Variants in FADS2 observed in about 807,000 individuals in gnomAD.
The protein encoded by FADS2 is fatty acid desaturase 2.
A neutral mutation model predicts 61.2 loss-of-function variants in FADS2; 18 were observed. The observed-to-expected ratio is 0.29, with a 90% CI of 0.20 to 0.44. FADS2 has a LOEUF of 0.44. Ranked by LOEUF, FADS2 falls within the 20% of genes least tolerant of loss-of-function variation. The probability of loss-of-function intolerance (pLI) is 1.00; values close to 1 mark genes in which losing one functional copy is unlikely to be tolerated. For synonymous variants in FADS2, 203 were observed against 223.9 expected (o/e 0.91, Z 0.83); for missense variants, 322 against 572.7 (o/e 0.56, Z 4.47).
upstream of FADS2, chr11:61,827,843 C>T (rs1404361790): frequency 1.7e-5 from 3 of 173,394 alleles, no homozygotes; most frequent in Non-Finnish European, 3.5e-5. The surrounding 1 kb of genome is among the most constrained non-coding windows in gnomAD (Gnocchi z 4.5). Context: ...AGGTCGGACA[C>T]GTAGCCTGCC....
At chr11:61,839,621 T>G (rs1365991471) in intron 2 of FADS2, among the ~76,000 whole-genome samples, 1 of 152,194 alleles carries the variant, frequency 6.6e-6, no homozygotes, top group Admixed American at 6.5e-5. Flanking sequence ...TAAAAAAGTG[T>G]GGTCAACCAT....
At chr11:61,850,496 A>G (rs1179007879) in intron 5 of FADS2, among the ~76,000 whole-genome samples, 2 of 151,836 alleles carry the variant, frequency 1.3e-5, no homozygotes, top group Non-Finnish European at 2.9e-5. Flanking sequence ...TGATCCGCCC[A>G]CCTCGCCCTC....
At chr11:61,844,996 C>T (rs75321677) in intron 4 of FADS2, among the ~76,000 whole-genome samples, 8,702 of 135,040 alleles carry the variant, frequency 0.064, 357 homozygotes, top group African/African-American at 0.11. Context: ...AAAATGTTAT[C>T]GATGAGTTTG....
rs910947446 is a variant in FADS2, at chr11:61,828,863, C to A, written c.207+266C>A. 6.6e-6 allele frequency among the ~76,000 whole-genome samples: 1 copy of A among 152,208 alleles called. No individual in the cohort carries two copies. Among genetic ancestry groups the A allele is most frequent in the African/African-American group, 2.4e-5 (1 of 41,462 alleles). Reference sequence around the variant, plus strand: ...TGGAGAACAGGGCAAGCATCTACCGCGCGCGCCGGGACCCACGCGTCCTCC... The same window carrying A: ...TGGAGAACAGGGCAAGCATCTACCGAGCGCGCCGGGACCCACGCGTCCTCC... On this transcript the variant is annotated intron_variant, in intron 1 of 11. Transcript: ENST00000278840. The surrounding 1 kb of genome is among the most constrained non-coding windows in gnomAD (Gnocchi z 6.4).
chr11:61,843,932 A>G (rs1055174972), intron 4 of FADS2, among the ~76,000 whole-genome samples: 10 of 152,118 alleles, frequency 6.6e-5, no homozygotes, highest in Non-Finnish European at 1.5e-4. Flanking sequence ...AAGTGCTGAG[A>G]TTACAGGCAT....
At chr11:61,841,998 T>G (rs567438031) in intron 4 of FADS2, among the ~76,000 whole-genome samples, 1 of 152,240 alleles carries the variant, frequency 6.6e-6, no homozygotes, top group Non-Finnish European at 1.5e-5. Flanking sequence ...TCCTCAGTTT[T>G]GAAAATGAGT....
rs756486957 is a variant in FADS2 at position 61,816,393 on chromosome 11, C to T, written c.108C>T (p.Pro36=). ...AGGCCTCTCTCCCGCCTTTTCATCC[C>T]GCATCCGCAGGACACCCAATCACCG... Residue 36 remains proline, a synonymous_variant, in exon 1 of 12, where the codon CCC becomes CCT. Transcript: ENST00000257261. The surrounding 1 kb of genome is among the most constrained non-coding windows in gnomAD (Gnocchi z 7.0). 6.3e-7 allele frequency: 1 copy of T among 1,598,542 alleles called. No homozygotes were observed. Among genetic ancestry groups the T allele is most frequent in the South Asian group, 1.1e-5 (1 of 91,082 alleles).
At chr11:61,848,024 T>G (rs1402955699) in intron 4 of FADS2, 135 bp from the exon 5 acceptor site, 1 of 993,944 alleles carries the variant, frequency 1.0e-6, no homozygotes, top group Non-Finnish European at 1.5e-6. Context: ...GGCTGGATTC[T>G]GGCCTTGTGG....
intron 7 of FADS2, among the ~76,000 whole-genome samples, chr11:61,859,498 A>AT (rs1488288727): frequency 6.6e-6 from 1 of 152,238 alleles, no homozygotes; most frequent in African/African-American, 2.4e-5. Context: ...TGTCCCAGCC[A>AT]TTGCAAATCC....
chr11:61,840,182 G>C (rs1370380176), intron 2 of FADS2, 152 bp from the exon 3 acceptor site: 1 of 660,426 alleles, frequency 1.5e-6, no homozygotes, highest in African/African-American at 1.8e-5. Flanking sequence ...AGCTATTGTA[G>C]GGACTCCTGG....
intron 7 of FADS2, among the ~76,000 whole-genome samples, chr11:61,859,460 A>G (rs755170227): frequency 2.0e-5 from 3 of 152,238 alleles, no homozygotes; most frequent in East Asian, 3.8e-4. Context: ...TCTTGGACCC[A>G]TATATCCAAT....
chr11:61,866,264 G>A lies in FADS2; in HGVS notation c.*575G>A, dbSNP rs17764288. ...CCTCCTGCAGCTCGGTTAAGTACCC[G>A]AGGCCTCTCTTAAGATGTCCAGGGC... On this transcript the variant is annotated 3_prime_UTR_variant, in exon 12 of 12. Coordinates refer to ENST00000278840, the MANE Select transcript of FADS2 (RefSeq NM_004265.4). 7.6e-3 allele frequency: 2,647 copies of A among 349,538 alleles called. 14 individuals carry two copies. The highest frequency in any genetic ancestry group is 9.9e-3 in the Non-Finnish European group (1,929 of 195,440). 21.7% of individuals were successfully genotyped at this position (349,538 alleles called of 1,614,324 possible).
intron 5 of FADS2, chr11:61,855,610 T>G (rs1320112960): frequency 6.6e-6 from 1 of 152,262 alleles, no homozygotes; most frequent in Non-Finnish European, 1.5e-5. Context: ...AGGGACTGTT[T>G]CTGGGGGTTC....
In FADS2 at chr11:61,857,458, G is replaced by A. The variant is rs1591179309; in HGVS notation, c.810G>A (p.Gly270=). The change falls in exon 7 of 12, where the codon GGG becomes GGA. Residue 270 remains glycine, a synonymous_variant. Coordinates refer to ENST00000278840, the MANE Select transcript of FADS2 (RefSeq NM_004265.4). The part of the protein sequence containing the change: ...NHQHEYFFLI[G]PPLLIPMYFQ... The stretch of plus-strand genomic sequence containing the variant: ...GCGCCTGTCTCTCTCCTGCAGTTGG[G>A]CCGCCGCTGCTCATCCCCATGTATT... 2 of 1,613,778 alleles carry A rather than the reference G, an allele frequency of 1.2e-6. No individual in the cohort carries two copies. Among genetic ancestry groups the A allele is most frequent in the Non-Finnish European group, 1.7e-6 (2 of 1,179,878 alleles).
chr11:61,828,738 C>T lies in FADS2; in HGVS notation c.207+141C>T. 2 of 692,642 alleles carry T rather than the reference C, an allele frequency of 2.9e-6. No homozygotes were observed. The highest frequency in any genetic ancestry group is 2.4e-6 in the Non-Finnish European group (1 of 414,670). The allele number at this position is 692,642 out of a possible 1,614,324, so 42.9% of individuals were successfully genotyped here. On this transcript the variant is annotated intron_variant, in intron 1 of 11. Coordinates refer to ENST00000278840, the MANE Select transcript of FADS2 (RefSeq NM_004265.4). The surrounding 1 kb of genome is among the most constrained non-coding windows in gnomAD (Gnocchi z 6.4). ...AGGGAAGGAAAGTGCATCTATTGCA[C>T]TCGTACCCCCTCCCCAATCCTCCTC... is the stretch of plus-strand genomic sequence containing the variant.
intron 7 of FADS2, among the ~76,000 whole-genome samples, chr11:61,858,108 C>T (rs1284469638): frequency 1.3e-5 from 2 of 152,166 alleles, no homozygotes; most frequent in Admixed American, 6.5e-5. Flanking sequence ...GGCTTTCGTC[C>T]TCCCTCTCGG....
chr11:61,844,353 T>C (rs562095847), intron 4 of FADS2, among the ~76,000 whole-genome samples: 1 of 146,394 alleles, frequency 6.8e-6, no homozygotes, highest in South Asian at 2.2e-4. Context: ...GGTAGATCAC[T>C]TAAGGTCAGG....
intron 1 of FADS2, among the ~76,000 whole-genome samples, chr11:61,822,559 C>T (rs2067043330): frequency 1.3e-5 from 2 of 152,306 alleles, no homozygotes; most frequent in Middle Eastern, 3.4e-3. Context: ...GGCCCTCAGA[C>T]CTGCCTCTAT....
chr11:61,844,896 G>C (rs1244960928), intron 4 of FADS2, among the ~76,000 whole-genome samples: 1 of 150,460 alleles, frequency 6.6e-6, no homozygotes, highest in African/African-American at 2.4e-5. Flanking sequence ...CTGCCCTCCA[G>C]CCTGGGCGAC....
Sources: gnomAD v4.1 joint callset for allele counts (sites outside exome capture counted in the v4.1 genomes callset) on GRCh38, gnomAD v4.1.1 for gene constraint, Gnocchi (gnomAD v3.1) non-coding constraint, MANE v1.5 for transcripts, NCBI Gene and HGNC (gene_info 2026-07-23, HGNC 2026-07-21) for gene names.